FBN1: variants seen among roughly 807,000 people sequenced by gnomAD.
FBN1 encodes fibrillin-1.
Under a neutral mutation model 365.1 loss-of-function variants are expected in FBN1, and 29 were observed. That is an observed-to-expected ratio of 0.08 (90% confidence interval 0.06 to 0.11). FBN1 has a LOEUF of 0.11. Among genes scored for constraint, FBN1 ranks in the 10% least tolerant of loss-of-function variants. FBN1 has a pLI of 1.00. For synonymous variants in FBN1, 1,210 were observed against 1,270.5 expected, an observed-to-expected ratio of 0.95 and a Z score of 1.01; for missense variants, 2,476 against 3,703.2, an observed-to-expected ratio of 0.67 and a Z score of 8.60.
At chr15:48,443,606 A>AT (rs1260661418) in intron 49 of FBN1, among the ~76,000 whole-genome samples, 1 of 152,192 alleles carries the variant, frequency 6.6e-6, no homozygotes, top group Non-Finnish European at 1.5e-5. Flanking sequence ...AAAATTTCTA[A>AT]TTGACGATAT....
intron 6 of FBN1, among the ~76,000 whole-genome samples, chr15:48,548,681 TTAGATAC>T (rs2141370909): frequency 6.6e-6 from 1 of 152,340 alleles, no homozygotes; most frequent in East Asian, 1.9e-4. Flanking sequence ...AGGCAGCTAG[TTAGATAC>T]GTTCGGAAAG....
Position 48,408,970 on chromosome 15 carries a change from T to C in FBN1, c.*2020A>G, listed in dbSNP as rs1350594832. On this transcript the variant is annotated 3_prime_UTR_variant, in exon 66 of 66. Transcript: ENST00000316623. The stretch of plus-strand genomic sequence containing the variant: ...CGATAACAATTTTAATACACCTCTA[T>C]CACATGGTTCCATAGGTGCAGCGTT... The C allele has an allele frequency of 2.0e-5, 3 of 152,238 alleles. No individual in the cohort carries two copies. The highest frequency in any genetic ancestry group is 2.9e-5 in the Non-Finnish European group (2 of 68,042). The allele number at this position is 152,238 out of a possible 1,614,324, so 9.4% of individuals were successfully genotyped here. A position where few individuals can be genotyped will look rare whatever the true frequency, so the allele number is the denominator to read the frequency against.
chr15:48,483,912 G>A lies in FBN1; in HGVS notation c.3744C>T (p.Ile1248=), dbSNP rs201786043. ...TATTTGTGCACTGACCACCATCACA[G>A]ATATTGGGATTATCTTCACACTCAT... is the stretch of plus-strand genomic sequence containing the variant. ...DIDECEDNPN[I]CDGGQCTNIP... is the part of the protein sequence containing the mutation. Residue 1248 remains isoleucine, a synonymous_variant, in exon 31 of 66, where the codon ATC becomes ATT. Coordinates refer to ENST00000316623, the MANE Select transcript of FBN1 (RefSeq NM_000138.5). The A allele has an allele frequency of 6.2e-7, 1 of 1,613,370 alleles. No homozygotes were observed. The highest frequency in any genetic ancestry group is 8.5e-7 in the Non-Finnish European group (1 of 1,179,866).
intron 2 of FBN1, among the ~76,000 whole-genome samples, chr15:48,632,080 A>G (rs993404913): frequency 6.6e-6 from 1 of 152,244 alleles, no homozygotes; most frequent in Admixed American, 6.5e-5. Flanking sequence ...TTGTTTCCCA[A>G]TGAAGACAAC....
chr15:48,511,060 G>A (rs908427028), intron 13 of FBN1, among the ~76,000 whole-genome samples: 22 of 152,200 alleles, frequency 1.4e-4, no homozygotes, highest in Admixed American at 2.0e-4. Context: ...ATGTGGAGTT[G>A]GATGCGAGCA....
intron 36 of FBN1, among the ~76,000 whole-genome samples, chr15:48,469,530 C>T (rs542404337): frequency 7.2e-5 from 11 of 152,200 alleles, no homozygotes; most frequent in East Asian, 1.9e-4. Flanking sequence ...GTTTTGAACA[C>T]TCATGAAATA....
chr15:48,487,171 G>A lies in FBN1; in HGVS notation c.3493C>T (p.Leu1165=), dbSNP rs2043515081. The change falls in exon 29 of 66, where the codon CTG becomes TTG. Residue 1165 remains leucine, a synonymous_variant. Coordinates refer to ENST00000316623, the MANE Select transcript of FBN1 (RefSeq NM_000138.5). ...TTCACGCAACGGCCATTGGGGCACA[G>A]GTGTGCACTCAGCTCACATTCATTG... ...DINECELSAH[L]CPNGRCVNLI... is the part of the protein sequence containing the mutation. The A allele has an allele frequency of 5.0e-6, 8 of 1,614,186 alleles. No individual in the cohort carries two copies. Among genetic ancestry groups the A allele is most frequent in the Non-Finnish European group, 6.8e-6 (8 of 1,180,036 alleles).
chr15:48,507,627 A>G (rs1173965596), intron 15 of FBN1, among the ~76,000 whole-genome samples: 1 of 152,194 alleles, frequency 6.6e-6, no homozygotes, highest in Non-Finnish European at 1.5e-5. Context: ...GCTTTCTTCC[A>G]TAACACGTTT....
intron 50 of FBN1, among the ~76,000 whole-genome samples, chr15:48,438,173 C>T (rs2043087673): frequency 1.3e-5 from 2 of 152,018 alleles, no homozygotes; most frequent in African/African-American, 2.4e-5. Flanking sequence ...CAAAGTAACC[C>T]GATGTGAATC....
At chr15:48,584,809 T>C (rs756492357) in intron 6 of FBN1, among the ~76,000 whole-genome samples, 4 of 152,246 alleles carry the variant, frequency 2.6e-5, no homozygotes, top group Non-Finnish European at 5.9e-5. Context: ...CTGAATTCTA[T>C]TACATACTTC....
In FBN1 at chr15:48,412,596, T is replaced by C. The variant is rs1372383251; in HGVS notation, c.8199A>G (p.Thr2733=). ...CGATATTGGAGGCATCAGTTTCGTT[T>C]GTGCTTCTCCGTTTCCTGCCCCGTT... The part of the protein sequence containing the change: ...YPKRGRKRRS[T]NETDASNIED... The change falls in exon 65 of 66, where the codon ACA becomes ACG. Residue 2733 remains threonine, a synonymous_variant. Transcript: ENST00000316623. 3 of 1,614,216 alleles carry C rather than the reference T, an allele frequency of 1.9e-6. No individual in the cohort carries two copies. The highest frequency in any genetic ancestry group is 2.5e-6 in the Non-Finnish European group (3 of 1,180,024).
rs1028807052 is a variant in FBN1, at chr15:48,497,282, A to G, written c.2277T>C (p.Thr759=). 6 of 1,614,100 alleles carry G rather than the reference A, an allele frequency of 3.7e-6. No individual in the cohort carries two copies. Among genetic ancestry groups the G allele is most frequent in the East Asian group, 2.2e-5 (1 of 44,860 alleles). The change falls in exon 19 of 66, where the codon ACT becomes ACC. Residue 759 remains threonine (T), a synonymous_variant. Coordinates refer to ENST00000316623, the MANE Select transcript of FBN1 (RefSeq NM_000138.5). ...ICNSGYEVDS[T]GKNCVDINEC... The stretch of plus-strand genomic sequence containing the variant: ...ACTTCTCACCAACGCAGTTTTTCCC[A>G]GTTGAATCCACTTCATATCCTGAAT...
intron 6 of FBN1, among the ~76,000 whole-genome samples, chr15:48,595,100 G>A (rs1322917191): frequency 6.6e-6 from 1 of 152,152 alleles, no homozygotes; most frequent in Non-Finnish European, 1.5e-5. Flanking sequence ...CATTAATAGA[G>A]ATACAATGTA....
At chr15:48,437,163 A>AT in intron 52 of FBN1, 86 bp from the exon 53 acceptor site, 1 of 1,162,500 alleles carries the variant, frequency 8.6e-7, no homozygotes, top group Non-Finnish European at 1.3e-6. Context: ...TTTAATCAAA[A>AT]GATTATCTAA....
intron 36 of FBN1, among the ~76,000 whole-genome samples, chr15:48,470,142 C>A (rs1287997822): frequency 6.6e-6 from 1 of 152,030 alleles, no homozygotes; most frequent in African/African-American, 2.4e-5. Context: ...CCCTGAGAGT[C>A]CTTGGCTCAA....
intron 11 of FBN1, 73 bp downstream of exon 11, chr15:48,516,110 C>CATAA (rs925950454): frequency 3.6e-6 from 5 of 1,381,006 alleles, no homozygotes; most frequent in Non-Finnish European, 5.1e-6. Flanking sequence ...ACTAAAGTAG[C>CATAA]ATAAATAAAT....
intron 17 of FBN1, among the ~76,000 whole-genome samples, chr15:48,500,616 T>C (rs1176662936): frequency 6.6e-6 from 1 of 151,936 alleles, no homozygotes; most frequent in Non-Finnish European, 1.5e-5. Context: ...TAGTGAGGGG[T>C]AGGTGTTGAT....
chr15:48,420,429 G>A (rs748089946), intron 63 of FBN1, among the ~76,000 whole-genome samples: 24 of 152,280 alleles, frequency 1.6e-4, no homozygotes, highest in Admixed American at 4.6e-4. Context: ...CAGCGGGAGG[G>A]TGGAGGATAT....
intron 1 of FBN1, among the ~76,000 whole-genome samples, chr15:48,645,169 G>T (rs555163343): frequency 6.6e-6 from 1 of 152,234 alleles, no homozygotes; most frequent in Non-Finnish European, 1.5e-5. Context: ...GGCCCCGCCA[G>T]AAGAGCGCGG....
Sources: allele counts gnomAD v4.1 joint callset (sites outside exome capture counted in the v4.1 genomes callset), GRCh38; gene constraint gnomAD v4.1.1; transcripts MANE v1.5; gene names NCBI Gene and HGNC (gene_info 2026-07-23, HGNC 2026-07-21).